Variants in CCDC187 observed in about 807,000 individuals in gnomAD.
CCDC187 encodes coiled-coil domain containing 187, also known as coiled-coil domain-containing protein 187.
Under a neutral mutation model 38.0 loss-of-function variants are expected in CCDC187, and 32 were observed. That is an observed-to-expected ratio of 0.84 (90% CI 0.64 to 1.13). CCDC187 has a LOEUF of 1.13. Among genes scored for constraint, CCDC187 ranks in the 50% most tolerant of loss-of-function variants. CCDC187 has a pLI of 0.00. For synonymous variants in CCDC187, 333 were observed against 347.9 expected, an observed-to-expected ratio of 0.96 and a Z score of 0.48; for missense variants, 707 against 786.8, an observed-to-expected ratio of 0.90 and a Z score of 1.21.
At chr9:136,286,738 G>A (rs897942259) in intron 7 of CCDC187, 43 bp from the exon 8 acceptor site, 8 of 398,464 alleles carry the variant, frequency 2.0e-5, no homozygotes, top group African/African-American at 1.2e-4. Flanking sequence ...AGGCTCGGTC[G>A]CCCCAGCAGG....
intron 7 of CCDC187, among the ~76,000 whole-genome samples, chr9:136,288,466 C>A (rs1246203302): frequency 6.6e-6 from 1 of 152,192 alleles, no homozygotes; most frequent in Non-Finnish European, 1.5e-5. Flanking sequence ...TGGGTGGGAG[C>A]CCCTCCCTGG....
rs997250692 is a variant in CCDC187 at position 136,281,099 on chromosome 9, G to A, written c.3040+452C>T. 138 of 264,048 alleles carry A rather than the reference G, an allele frequency of 5.2e-4. 1 individual carries two copies. Among genetic ancestry groups the A allele is most frequent in the Middle Eastern group, 1.0e-3 (1 of 970 alleles). The allele number at this position is 264,048 out of a possible 1,614,324, so 16.4% of individuals were successfully genotyped here. A position where few individuals can be genotyped will look rare whatever the true frequency, so the allele number is the denominator to read the frequency against. ...CCCCCAGCCAGGAGGGTCCTACAGC[G>A]CAGCCCACGCCAGCACGAGGCCCTC... On this transcript the variant is annotated intron_variant, in intron 10 of 25. Coordinates refer to ENST00000638797, the MANE Select transcript of CCDC187 (RefSeq NM_001378188.1).
At chr9:136,285,822 A>T (rs1203227590) in intron 8 of CCDC187, 10 of 396,712 alleles carry the variant, frequency 2.5e-5, no homozygotes, top group Admixed American at 1.8e-4. Flanking sequence ...GCCAGAGAAC[A>T]AGACAGGAGC....
In CCDC187 at chr9:136,291,061, C is replaced by T. The variant is rs1184092047; in HGVS notation, c.1552G>A (p.Gly518Arg). 3 of 398,612 alleles carry T rather than the reference C, an allele frequency of 7.5e-6. No homozygotes were observed. The highest frequency in any genetic ancestry group is 6.2e-5 in the African/African-American group (3 of 48,618). 24.7% of individuals were successfully genotyped at this position (398,612 alleles called of 1,614,324 possible). The change falls in exon 6 of 26, where the codon GGG (glycine) becomes AGG (arginine). Residue 518 changes from glycine to arginine, a missense_variant. By Grantham distance (125) the Gly-to-Arg change is moderately radical. Coordinates refer to ENST00000638797, the MANE Select transcript of CCDC187 (RefSeq NM_001378188.1). ...QRQGPSSQRP[G>R]SPPEKRSPFP... ...GGGCTCCGCTTTTCAGGGGGGCTCC[C>T]AGGCCTCTGGGAGGAGGGGCCCTGT...
intron 12 of CCDC187, among the ~76,000 whole-genome samples, chr9:136,275,380 G>T (rs1830912002): frequency 6.6e-6 from 1 of 152,142 alleles, no homozygotes; most frequent in Non-Finnish European, 1.5e-5. Flanking sequence ...GAGGGAACAG[G>T]CAGGGACACA....
intron 4 of CCDC187, chr9:136,296,146 G>A (rs2131342109): frequency 6.6e-6 from 1 of 152,496 alleles, no homozygotes; most frequent in Admixed American, 6.5e-5. Context: ...CCTGGGCACG[G>A]ACAGAACGCA....
chr9:136,259,301 G>T, intron 21 of CCDC187, 62 bp downstream of exon 21: 1 of 522,504 alleles, frequency 1.9e-6, no homozygotes, highest in Non-Finnish European at 2.4e-6. Context: ...GCAGAATGTT[G>T]GGGGGGGGTG....
In CCDC187 at chr9:136,264,196, A is replaced by G. The variant is rs1164448779; in HGVS notation, c.3736-398T>C. 2.0e-5 allele frequency: 3 copies of G among 152,456 alleles called. No individual in the cohort carries two copies. Among genetic ancestry groups the G allele is most frequent in the Non-Finnish European group, 4.4e-5 (3 of 68,220 alleles). 9.4% of individuals were successfully genotyped at this position (152,456 alleles called of 1,614,324 possible). A position where few individuals can be genotyped will look rare whatever the true frequency, so the allele number is the denominator to read the frequency against. On this transcript the variant is annotated intron_variant, in intron 17 of 25. Coordinates refer to ENST00000638797, the MANE Select transcript of CCDC187 (RefSeq NM_001378188.1). This position sits in a 1 kb window ranked among gnomAD's most constrained non-coding sequence, Gnocchi z 4.3. ...ACGCACCCTCGGAACAACCTTGCAC[A>G]GAGCCCAGGGCCGGGCCGGGCCGTT... is the stretch of plus-strand genomic sequence containing the variant.
At chr9:136,302,547 T>G (rs2131369790) in intron 2 of CCDC187, among the ~76,000 whole-genome samples, 1 of 152,302 alleles carries the variant, frequency 6.6e-6, no homozygotes, top group South Asian at 2.1e-4. Context: ...CCAGGCCCCC[T>G]CTTCCAGTGC....
In CCDC187 at chr9:136,292,156, GGTACCTAA is replaced by G; in HGVS notation, c.964_967+4del. On this transcript the variant is annotated splice_donor_variant and splice_donor_region_variant and coding_sequence_variant and intron_variant, in exon 5 of 26. Coordinates refer to ENST00000638797, the MANE Select transcript of CCDC187 (RefSeq NM_001378188.1). LOFTEE classifies it high-confidence loss of function. ...GGACAGAGCCCATGGCAGAGGCACA[GGTACCTAA>G]GTCCACGGTGAGAGCCGGGTCTCTC... is the stretch of plus-strand genomic sequence containing the variant. 1 of 398,738 alleles carries G rather than the reference GGTACCTAA, an allele frequency of 2.5e-6. No individual in the cohort carries two copies. Among genetic ancestry groups the G allele is most frequent in the South Asian group, 1.3e-4 (1 of 7,854 alleles). The allele number at this position is 398,738 out of a possible 1,614,324, so 24.7% of individuals were successfully genotyped here. A position where few individuals can be genotyped will look rare whatever the true frequency, so the allele number is the denominator to read the frequency against.
At chr9:136,294,629 G>A (rs937157460) in intron 4 of CCDC187, among the ~76,000 whole-genome samples, 3 of 152,270 alleles carry the variant, frequency 2.0e-5, no homozygotes, top group East Asian at 1.9e-4. Context: ...CCCCAGACAC[G>A]GCACCCTCCT....
upstream of CCDC187, among the ~76,000 whole-genome samples, chr9:136,305,350 C>T (rs1831784083): frequency 6.6e-6 from 1 of 152,308 alleles, no homozygotes; most frequent in Non-Finnish European, 1.5e-5. Context: ...GTCCCCCCAC[C>T]CTCGGAGCCT....
At position 136,291,584 on chromosome 9, in the gene CCDC187, G is replaced by A; in HGVS notation, c.1029C>T (p.Ala343=). Residue 343 remains alanine (A), a synonymous_variant, in exon 6 of 26, where the codon GCC becomes GCT. Transcript: ENST00000638797. ...CCTGCTGGTCACTGTAGGCGGAGGT[G>A]GCATCGGGCAACTGGGCACAAACCG... The part of the protein sequence containing the change: ...CSPVCAQLPD[A]TSAYSDQQVS... 2.5e-6 allele frequency: 1 copy of A among 398,784 alleles called. No homozygotes were observed. The highest frequency in any genetic ancestry group is 4.4e-6 in the Non-Finnish European group (1 of 226,146). 24.7% of individuals were successfully genotyped at this position (398,784 alleles called of 1,614,324 possible).
intron 3 of CCDC187, 138 bp downstream of exon 3, chr9:136,300,082 C>G (rs1256611076): frequency 2.5e-6 from 1 of 395,990 alleles, no homozygotes; most frequent in Non-Finnish European, 4.4e-6. Flanking sequence ...TCCAAATCCC[C>G]CCTTGGCCTC....
chr9:136,280,766 G>A (rs948476347), intron 10 of CCDC187, among the ~76,000 whole-genome samples: 3 of 152,140 alleles, frequency 2.0e-5, no homozygotes, highest in Non-Finnish European at 2.9e-5. Flanking sequence ...CTGGGGCTCC[G>A]CCCACTCCCC....
rs1831314810 is a variant in CCDC187 at position 136,291,058 on chromosome 9, T to A, written c.1555A>T (p.Ser519Cys). 5.0e-6 allele frequency: 2 copies of A among 398,548 alleles called. No individual in the cohort carries two copies. The highest frequency in any genetic ancestry group is 8.8e-6 in the Non-Finnish European group (2 of 226,134). The allele number at this position is 398,548 out of a possible 1,614,324, so 24.7% of individuals were successfully genotyped here. Residue 519 changes from serine to cysteine, a missense_variant, in exon 6 of 26, where the codon AGC becomes TGC. Ser to Cys is a moderately radical substitution (Grantham distance 112). Coordinates refer to ENST00000638797, the MANE Select transcript of CCDC187 (RefSeq NM_001378188.1). ...RQGPSSQRPGSPPEKRSPFPQ... is the reference protein window; with the variant it reads ...RQGPSSQRPGCPPEKRSPFPQ... ...AAGGGGCTCCGCTTTTCAGGGGGGC[T>A]CCCAGGCCTCTGGGAGGAGGGGCCC...
chr9:136,286,731 C>T (rs1337847076), intron 7 of CCDC187, 36 bp from the exon 8 acceptor site: 5 of 398,560 alleles, frequency 1.3e-5, no homozygotes, highest in Non-Finnish European at 2.2e-5. Flanking sequence ...TCAGCTCAGG[C>T]TCGGTCGCCC....
chr9:136,283,523 G>C (rs1186563648), intron 9 of CCDC187, among the ~76,000 whole-genome samples: 1 of 152,206 alleles, frequency 6.6e-6, no homozygotes. Context: ...CCACCAGCCC[G>C]GGTCCCTCCG....
At chr9:136,265,631 A>C (rs1564309328) in intron 17 of CCDC187, 1 of 152,264 alleles carries the variant, frequency 6.6e-6, no homozygotes, top group East Asian at 1.9e-4. Context: ...AGACAAAGCC[A>C]CTTGCTCAAG....
Sources: gnomAD v4.1 joint callset for allele counts (sites outside exome capture counted in the v4.1 genomes callset) on GRCh38, gnomAD v4.1.1 for gene constraint, Gnocchi (gnomAD v3.1) non-coding constraint, MANE v1.5 for transcripts, NCBI Gene and HGNC (gene_info 2026-07-23, HGNC 2026-07-21) for gene names.